INTS2: variants seen among roughly 807,000 people sequenced by gnomAD.
The protein encoded by INTS2 is KIAA1287.
A neutral mutation model predicts 139.6 loss-of-function variants in INTS2; 57 were observed. That is an observed-to-expected ratio of 0.41 (90% CI 0.33 to 0.51). The LOEUF is 0.51. Among genes scored for constraint, INTS2 ranks in the 20% least tolerant of loss-of-function variants. The pLI, the probability that INTS2 is intolerant of heterozygous loss-of-function variation, is 0.28. For missense variants in INTS2, 1,196 were observed against 1,436.7 expected (o/e 0.83, Z 2.71); for synonymous variants, 473 against 493.4 (o/e 0.96, Z 0.55).
At chr17:61,899,594 T>C (rs1470787492) in intron 9 of INTS2, among the ~76,000 whole-genome samples, 1 of 152,018 alleles carries the variant, frequency 6.6e-6, no homozygotes, top group Non-Finnish European at 1.5e-5. Flanking sequence ...CATTAGTTTT[T>C]CTATCTATAA....
At chr17:61,890,030 T>C (rs2079274207) in intron 14 of INTS2, 136 bp from the exon 15 acceptor site, 1 of 606,978 alleles carries the variant, frequency 1.6e-6, no homozygotes, top group Non-Finnish European at 2.9e-6. Context: ...GAAATGTTGC[T>C]GTGTGTGTAT....
chr17:61,912,192 G>C, intron 5 of INTS2, 122 bp from the exon 6 acceptor site: 1 of 947,362 alleles, frequency 1.1e-6, no homozygotes, highest in South Asian at 1.7e-5. Flanking sequence ...CCAAAATGAA[G>C]CAAAAAATGA....
Position 61,867,874 on chromosome 17 carries a change from T to C in INTS2, c.3380A>G (p.Asp1127Gly), listed in dbSNP as rs1385263836. ...AATGTCTCTTGTCTGAGTGGCAACA[T>C]CAGAGGCACAAACTTGCCCTATTTG... ...LIQIGQVCAS[D>G]VATQTRDIDP... The change falls in exon 24 of 25, where the codon GAT becomes GGT. Residue 1127 changes from aspartate (D) to glycine (G), a missense_variant. Physicochemically the swap from Asp to Gly is moderately conservative, Grantham distance 94. Transcript: ENST00000251334. The surrounding 1 kb of genome is among the most constrained non-coding windows in gnomAD (Gnocchi z 5.6). The C allele has an allele frequency of 1.2e-6, 2 of 1,607,192 alleles. No individual in the cohort carries two copies. The highest frequency in any genetic ancestry group is 1.7e-5 in the Admixed American group (1 of 58,150).
chr17:61,884,783 T>C (rs1197359173), intron 16 of INTS2, 118 bp downstream of exon 16: 6 of 690,520 alleles, frequency 8.7e-6, no homozygotes, highest in East Asian at 5.6e-5. Flanking sequence ...CAAAGAGGAA[T>C]TTCACTCTTG....
chr17:61,922,225 C>T (rs1040266227), intron 3 of INTS2, among the ~76,000 whole-genome samples: 20 of 152,036 alleles, frequency 1.3e-4, no homozygotes, highest in Non-Finnish European at 2.4e-4. Context: ...AATCCCAGCA[C>T]TTTGGAAGGC....
At chr17:61,916,744 G>C (rs2143141294) in intron 5 of INTS2, among the ~76,000 whole-genome samples, 1 of 152,216 alleles carries the variant, frequency 6.6e-6, no homozygotes, top group African/African-American at 2.4e-5. Context: ...CCTTGGCAAA[G>C]AATTTATAGC....
At chr17:61,887,096 T>A (rs891646723) in intron 15 of INTS2, among the ~76,000 whole-genome samples, 11 of 152,176 alleles carry the variant, frequency 7.2e-5, no homozygotes, top group Non-Finnish European at 1.6e-4. Flanking sequence ...GGAAGTTACT[T>A]AACTTCCTTG....
chr17:61,881,261 C>A, intron 16 of INTS2, 90 bp from the exon 17 acceptor site: 3 of 1,032,082 alleles, frequency 2.9e-6, no homozygotes, highest in Non-Finnish European at 4.2e-6. Context: ...GCCATCAGCC[C>A]ACAAGGAAAG....
intron 14 of INTS2, among the ~76,000 whole-genome samples, chr17:61,890,646 G>A (rs912605383): frequency 2.0e-5 from 3 of 151,164 alleles, no homozygotes; most frequent in Non-Finnish European, 4.4e-5. Flanking sequence ...ATGAATGTAG[G>A]TGTATCTTAG....
At chr17:61,920,008 T>C (rs1467723003) in intron 4 of INTS2, among the ~76,000 whole-genome samples, 2 of 152,150 alleles carry the variant, frequency 1.3e-5, no homozygotes, top group African/African-American at 2.4e-5. Context: ...GGATACCCAC[T>C]AGCAACATAA....
intron 8 of INTS2, among the ~76,000 whole-genome samples, chr17:61,906,980 AAAAAC>A (rs2079472348): frequency 6.6e-6 from 1 of 151,582 alleles, no homozygotes; most frequent in African/African-American, 2.4e-5. Context: ...AAAAAAAAAA[AAAAAC>A]ATTGTACTTA....
chr17:61,896,804 T>C (rs1603377929), intron 11 of INTS2, among the ~76,000 whole-genome samples: 1 of 152,212 alleles, frequency 6.6e-6, no homozygotes, highest in Admixed American at 6.5e-5. Flanking sequence ...TAGTTCTTAC[T>C]AACGGTAAGA....
rs760901725 is a variant in INTS2, at chr17:61,872,361, A to T, written c.2682T>A (p.Asp894Glu). ...LSAHLKETEQ[D>E]RPSQNNTIGL... Reference sequence around the variant, plus strand: ...CAATTGTATTATTCTGGGAAGGCCTATCTTGCTCTGTTTCCTTCAGATGAG... The same window carrying T: ...CAATTGTATTATTCTGGGAAGGCCTTTCTTGCTCTGTTTCCTTCAGATGAG... Residue 894 changes from aspartate to glutamate, a missense_variant, in exon 20 of 25, where the codon GAT becomes GAA. Asp to Glu is a conservative substitution (Grantham distance 45). Around this residue, in one of 3 missense-constraint regions of INTS2, gnomAD observed 1,129 missense variants for 1,341.9 expected, o/e 0.84. Transcript: ENST00000251334. This position sits in a 1 kb window ranked among gnomAD's most constrained non-coding sequence, Gnocchi z 4.8. 4.3e-6 allele frequency: 7 copies of T among 1,612,850 alleles called. No homozygotes were observed. The highest frequency in any genetic ancestry group is 5.9e-6 in the Non-Finnish European group (7 of 1,179,102).
At chr17:61,914,529 T>C (rs1161944053) in intron 5 of INTS2, among the ~76,000 whole-genome samples, 11 of 151,728 alleles carry the variant, frequency 7.2e-5, no homozygotes, top group East Asian at 5.9e-4. Flanking sequence ...GAAACCGTGT[T>C]ACTACTAAAA....
rs1035979497 is a variant in INTS2 at position 61,871,286 on chromosome 17, A to G, written c.2778+979T>C. On this transcript the variant is annotated intron_variant, in intron 20 of 24. Coordinates refer to ENST00000251334, the MANE Select transcript of INTS2 (RefSeq NM_001351695.2). The surrounding 1 kb of genome is among the most constrained non-coding windows in gnomAD (Gnocchi z 4.9). ...CAGGTTTGGGCCACCACGCCCGGCT[A>G]ATTTTTGTATTTTTAGTAGAGATGG... Among the ~76,000 whole-genome samples, 5 of 151,866 alleles carry G rather than the reference A, an allele frequency of 3.3e-5. No individual in the cohort carries two copies. The highest frequency in any genetic ancestry group is 1.2e-4 in the African/African-American group (5 of 41,364).
At chr17:61,920,671 C>T (rs1012777841) in intron 4 of INTS2, among the ~76,000 whole-genome samples, 3 of 151,852 alleles carry the variant, frequency 2.0e-5, no homozygotes, top group East Asian at 1.9e-4. Context: ...GGCATGGTGC[C>T]GCATGCCTGT....
At chr17:61,904,113 G>C (rs575867716) in intron 9 of INTS2, among the ~76,000 whole-genome samples, 3 of 152,118 alleles carry the variant, frequency 2.0e-5, no homozygotes, top group African/African-American at 4.8e-5. Context: ...TAAATAAAAT[G>C]AATCAGATGC....
In INTS2 at chr17:61,907,504, T is replaced by C. The variant is rs989002476; in HGVS notation, c.1085A>G (p.Asn362Ser). The C allele has an allele frequency of 1.9e-6, 3 of 1,601,924 alleles. No individual in the cohort carries two copies. Among genetic ancestry groups the C allele is most frequent in the East Asian group, 2.2e-5 (1 of 44,654 alleles). ...VEEADVDMEP[N>S]VSVYSGLKEE... is the part of the protein sequence containing the mutation. ...TTTCAGCCCCGAATACACAGACACA[T>C]TGGGCTCCATATCCACATCAGCTTC... Residue 362 changes from asparagine to serine, a missense_variant, in exon 8 of 25, where the codon AAT becomes AGT. By Grantham distance (46) the Asn-to-Ser change is conservative. Around this residue, in one of 3 missense-constraint regions of INTS2, gnomAD observed 1,129 missense variants for 1,341.9 expected, o/e 0.84. Transcript: ENST00000251334.
In INTS2 at chr17:61,865,455, T is replaced by A. The variant is rs1048599285; in HGVS notation, c.*2102A>T. The A allele has an allele frequency of 1.3e-5, 2 of 152,672 alleles. No individual in the cohort carries two copies. The highest frequency in any genetic ancestry group is 4.8e-5 in the African/African-American group (2 of 41,454). 9.5% of individuals were successfully genotyped at this position (152,672 alleles called of 1,614,324 possible). On this transcript the variant is annotated 3_prime_UTR_variant, in exon 25 of 25. Transcript: ENST00000251334. The surrounding 1 kb of genome is among the most constrained non-coding windows in gnomAD (Gnocchi z 4.8). ...TTCACTTGAATAAAAAAACACATTG[T>A]GACAAATTTTATAACCTTAACTTAA... is the stretch of plus-strand genomic sequence containing the variant.
Sources: gnomAD v4.1 joint callset for allele counts (sites outside exome capture counted in the v4.1 genomes callset) on GRCh38, gnomAD v4.1.1 for gene constraint, gnomAD v4.1.1 regional missense constraint, Gnocchi (gnomAD v3.1) non-coding constraint, MANE v1.5 for transcripts, NCBI Gene and HGNC (gene_info 2026-07-23, HGNC 2026-07-21) for gene names.